Variants in MIA2 observed in about 807,000 individuals in gnomAD.
The protein encoded by MIA2 is MIA SH3 domain ER export factor 2.
MIA2 carries 127 observed loss-of-function variants against 167.8 expected under a neutral mutation model. That is an observed-to-expected ratio of 0.76 (90% CI 0.66 to 0.88). The LOEUF is 0.88. Ranked by LOEUF, MIA2 falls within the 40% of genes least tolerant of loss-of-function variation. MIA2 has a pLI of 0.00. For synonymous variants in MIA2, 552 were observed against 541.9 expected, an observed-to-expected ratio of 1.02 and a Z score of -0.26; for missense variants, 1,690 against 1,624.7, an observed-to-expected ratio of 1.04 and a Z score of -0.69.
chr14:39,292,526 C>T (rs1179074485), intron 10 of MIA2, among the ~76,000 whole-genome samples: 2 of 151,968 alleles, frequency 1.3e-5, no homozygotes, highest in South Asian at 2.1e-4. Context: ...AATTTTCATT[C>T]GGGTCAGGGA....
Position 39,238,811 on chromosome 14 carries a change from A to AAAAAAAAAAAAAAAAAAAC in MIA2, c.250-1750_250-1749insAAAAAAAAAAAAAAAAAAC. On this transcript the variant is annotated intron_variant, in intron 2 of 28. Transcript: ENST00000640607. ...CCTGTCTCAAAAAAAAAAAAAAAAA[A>AAAAAAAAAAAAAAAAAAAC]CCCAAAAAACAAAAAAACCTAGCTG... Among the ~76,000 whole-genome samples, 87 of 103,606 alleles carry AAAAAAAAAAAAAAAAAAAC rather than the reference A, an allele frequency of 8.4e-4. 4 individuals are homozygous for AAAAAAAAAAAAAAAAAAAC. The highest frequency in any genetic ancestry group is 2.7e-3 in the African/African-American group (68 of 25,546). The allele number at this position is 103,606 out of a possible 152,430, so 68.0% of individuals were successfully genotyped here. A position where few individuals can be genotyped will look rare whatever the true frequency, so the allele number is the denominator to read the frequency against.
At position 39,248,024 on chromosome 14, in the gene MIA2, C is replaced by G; in HGVS notation, c.1450C>G (p.Gln484Glu). 1 of 1,574,304 alleles carries G rather than the reference C, an allele frequency of 6.4e-7. No individual in the cohort carries two copies. The highest frequency in any genetic ancestry group is 8.6e-7 in the Non-Finnish European group (1 of 1,169,024). The change falls in exon 4 of 29, where the codon CAG becomes GAG. Residue 484 changes from glutamine (Q) to glutamate (E), a missense_variant. Coordinates refer to ENST00000640607, the MANE Select transcript of MIA2 (RefSeq NM_001329214.4). ...GGAAACAGAATTGCCATTTCCCAAACAGATACTGGATCAAAATAATGTAAT... is the reference window on the plus strand; with the variant it reads ...GGAAACAGAATTGCCATTTCCCAAAGAGATACTGGATCAAAATAATGTAAT... ...PKETELPFPK[Q>E]ILDQNNVIEN...
intron 7 of MIA2, 84 bp from the exon 8 acceptor site, chr14:39,279,253 T>C (rs925205900): frequency 4.4e-6 from 5 of 1,142,786 alleles, no homozygotes; most frequent in Non-Finnish European, 6.4e-6. Flanking sequence ...CCTGTATTTC[T>C]AAGTTGGCAG....
At chr14:39,347,818 C>CTTTTTTTTT (rs59832680) in intron 27 of MIA2, 47 bp downstream of exon 27, 17 of 706,348 alleles carry the variant, frequency 2.4e-5, no homozygotes, top group Admixed American at 1.4e-4. Context: ...CAGAAGCCTT[C>CTTTTTTTTT]TTTTTTTTTT....
Position 39,332,865 on chromosome 14 carries a change from C to A in MIA2, c.3655+5843C>A, listed in dbSNP as rs10148678. On this transcript the variant is annotated intron_variant, in intron 25 of 28. Coordinates refer to ENST00000640607, the MANE Select transcript of MIA2 (RefSeq NM_001329214.4). ...CTGAAGACCGGAGCTGTTCCTATTT[C>A]GACGTCTTGCCTGGGAATCAACAAT... is the stretch of plus-strand genomic sequence containing the variant. 2.6e-4 allele frequency among the ~76,000 whole-genome samples: 39 copies of A among 152,206 alleles called. No individual in the cohort carries two copies. The East Asian group carries it at 7.0e-3, about 27-fold the overall frequency.
In MIA2 at chr14:39,247,244, A is replaced by G; in HGVS notation, c.670A>G (p.Lys224Glu). Residue 224 changes from lysine (K) to glutamate (E), a missense_variant, in exon 4 of 29, where the codon AAA becomes GAA. Transcript: ENST00000640607. ...ACCATCTTCAGCTGTGTCTGGAGTC[A>G]AAGAATGGTTTGGATTGGGAGGAGA... Reference protein sequence around the residue: ...VPPSSAVSGVKEWFGLGGEQA... With the variant: ...VPPSSAVSGVEEWFGLGGEQA... 6.2e-7 allele frequency: 1 copy of G among 1,614,134 alleles called. No individual in the cohort carries two copies. Among genetic ancestry groups the G allele is most frequent in the Non-Finnish European group, 8.5e-7 (1 of 1,180,014 alleles).
intron 6 of MIA2, among the ~76,000 whole-genome samples, chr14:39,261,565 A>G (rs1414182611): frequency 6.6e-6 from 1 of 152,176 alleles, no homozygotes; most frequent in Non-Finnish European, 1.5e-5. Context: ...GAATCGCCAG[A>G]CTGTCTTCCA....
intron 6 of MIA2, chr14:39,276,301 C>T (rs2057990756): frequency 6.6e-6 from 1 of 152,276 alleles, no homozygotes; most frequent in East Asian, 1.9e-4. Context: ...GTCAGAAGAT[C>T]AGGGTCTTTG....
rs909546232 is a variant in MIA2, at chr14:39,308,874, T to C, written c.3017+287T>C. 2.0e-5 allele frequency among the ~76,000 whole-genome samples: 3 copies of C among 152,208 alleles called. No individual in the cohort carries two copies. In the East Asian group the frequency reaches 5.8e-4, roughly 29 times the overall value. On this transcript the variant is annotated intron_variant, in intron 18 of 28. Transcript: ENST00000640607. ...AACTTCCTAATACTGGCAGGGAATCTGAATGGACACTCTTGATTAAACTGC... is the reference window on the plus strand; with the variant it reads ...AACTTCCTAATACTGGCAGGGAATCCGAATGGACACTCTTGATTAAACTGC...
rs2074259124 is a variant in MIA2 at position 39,350,402 on chromosome 14, A to G, written c.*138A>G. On this transcript the variant is annotated 3_prime_UTR_variant, in exon 29 of 29. Coordinates refer to ENST00000640607, the MANE Select transcript of MIA2 (RefSeq NM_001329214.4). ...TAATTCTCAGGATAGTATTTTGTAA[A>G]TAAAGATGATTTAAATATGAATCTT... 1 of 459,562 alleles carries G rather than the reference A, an allele frequency of 2.2e-6. No homozygotes were observed. Among genetic ancestry groups the G allele is most frequent in the Admixed American group, 4.1e-5 (1 of 24,410 alleles). 28.5% of individuals were successfully genotyped at this position (459,562 alleles called of 1,614,324 possible).
In MIA2 at chr14:39,265,063, T is replaced by C. The variant is rs368769835; in HGVS notation, c.1888-11871T>C. Reference sequence around the variant, plus strand: ...AAAACATTTTAGTTTTTATCAGTTATCAAATTCAGGATTTTTCTTTTCAAT... The same window carrying C: ...AAAACATTTTAGTTTTTATCAGTTACCAAATTCAGGATTTTTCTTTTCAAT... On this transcript the variant is annotated intron_variant, in intron 6 of 28. Transcript: ENST00000640607. Among the ~76,000 whole-genome samples the C allele has an allele frequency of 2.2e-3, 328 of 152,312 alleles. 1 individual carries two copies. Among genetic ancestry groups the C allele is most frequent in the African/African-American group, 5.3e-3 (221 of 41,556 alleles).
chr14:39,373,498 G>T (rs143933967), intron 23 of MIA2, among the ~76,000 whole-genome samples: 2 of 152,180 alleles, frequency 1.3e-5, no homozygotes, highest in African/African-American at 4.8e-5. Flanking sequence ...CTGAGGTATC[G>T]TTGATAAGAA....
rs138452816 is a variant in MIA2, at chr14:39,280,115, G to T, written c.2130+578G>T. On this transcript the variant is annotated intron_variant, in intron 9 of 28. Coordinates refer to ENST00000640607, the MANE Select transcript of MIA2 (RefSeq NM_001329214.4). ...GTCGAGTTAATGCCATTTATTGGAA[G>T]GACCATCTTTTCTCTGTTGTTCTGT... 3.1e-4 allele frequency among the ~76,000 whole-genome samples: 47 copies of T among 152,210 alleles called. No homozygotes were observed. The East Asian group carries it at 7.5e-3, about 24-fold the overall frequency.
chr14:39,378,335 G>A (rs2075084786), intron 23 of MIA2, among the ~76,000 whole-genome samples: 1 of 152,172 alleles, frequency 6.6e-6, no homozygotes, highest in Admixed American at 6.5e-5. Context: ...AACTCCTACT[G>A]TGCTCAATAT....
At chr14:39,265,606 T>TA (rs2055481177) in intron 6 of MIA2, 3 of 518,416 alleles carry the variant, frequency 5.8e-6, no homozygotes, top group Non-Finnish European at 9.9e-6. Context: ...GAGAGGGACA[T>TA]AGAGTGACTT....
At chr14:39,369,708 A>T (rs980957425) in intron 23 of MIA2, among the ~76,000 whole-genome samples, 1 of 152,202 alleles carries the variant, frequency 6.6e-6, no homozygotes, top group African/African-American at 2.4e-5. Flanking sequence ...GGAGGTGGGC[A>T]GATGATAAAT....
Position 39,322,477 on chromosome 14 carries a change from A to C in MIA2, c.3496+1421A>C, listed in dbSNP as rs546687178. Among the ~76,000 whole-genome samples the C allele has an allele frequency of 8.8e-5, 13 of 148,504 alleles. No individual in the cohort carries two copies. The East Asian group carries it at 2.6e-3, about 30-fold the overall frequency. The stretch of plus-strand genomic sequence containing the variant: ...AATTGCTTGAACCCGGGGGACGGAG[A>C]TTGCAGTGAGCCGAGATAGTGCCAC... On this transcript the variant is annotated intron_variant, in intron 24 of 28. Transcript: ENST00000640607.
chr14:39,318,302 A>T (rs2065850639), intron 22 of MIA2, among the ~76,000 whole-genome samples: 1 of 152,144 alleles, frequency 6.6e-6, no homozygotes. Flanking sequence ...TGGAAAGAGA[A>T]GGGGTGAATC....
At chr14:39,324,354 C>T (rs956832143) in intron 24 of MIA2, among the ~76,000 whole-genome samples, 12 of 151,910 alleles carry the variant, frequency 7.9e-5, no homozygotes, top group African/African-American at 1.5e-4. Flanking sequence ...GATGAAGAAG[C>T]GAGAAGGAAA....
Sources: allele counts gnomAD v4.1 joint callset (sites outside exome capture counted in the v4.1 genomes callset), GRCh38; gene constraint gnomAD v4.1.1; transcripts MANE v1.5; gene names NCBI Gene and HGNC (gene_info 2026-07-23, HGNC 2026-07-21).